Variants in IREB2 observed in about 807,000 individuals in gnomAD.
IREB2 encodes iron responsive element binding protein 2, also known as iron-responsive element-binding protein 2.
IREB2 carries 39 observed loss-of-function variants against 118.8 expected under a neutral mutation model. The observed-to-expected ratio is 0.33, with a 90% CI of 0.25 to 0.43. The LOEUF (loss-of-function observed/expected upper bound fraction) is 0.43, where lower values mean the gene tolerates loss of function less well. Among genes scored for constraint, IREB2 ranks in the 20% least tolerant of loss-of-function variants. The pLI is 1.00. For missense variants in IREB2, 900 were observed against 1,147.3 expected (o/e 0.78, Z 3.11); for synonymous variants, 372 against 392.2 (o/e 0.95, Z 0.61).
chr15:78,471,922 G>T lies in IREB2; in HGVS notation c.881G>T (p.Trp294Leu). Residue 294 changes from tryptophan (W) to leucine (L), a missense_variant and splice_region_variant, in exon 7 of 22, where the codon TGG becomes TTG. Physicochemically the swap from Trp to Leu is moderately conservative, Grantham distance 61. Transcript: ENST00000258886. ...GTGAATGGTTTAGGGATTCTGGGGT[G>T]GGGTAAGTAAATGACTAAATATATT... ...TMVNGLGILGWGVGGIETEAV... is the reference protein window; with the variant it reads ...TMVNGLGILGLGVGGIETEAV... The T allele has an allele frequency of 6.4e-7, 1 of 1,564,614 alleles. No homozygotes were observed. Among genetic ancestry groups the T allele is most frequent in the Middle Eastern group, 1.7e-4 (1 of 5,858 alleles).
intron 7 of IREB2, among the ~76,000 whole-genome samples, chr15:78,472,356 CT>C (rs956192961): frequency 2.0e-5 from 3 of 147,916 alleles, no homozygotes; most frequent in East Asian, 3.9e-4. Context: ...TGTCTCTTTT[CT>C]TTTTTTTTTC....
At chr15:78,486,324 G>T (rs1052281262) in intron 13 of IREB2, among the ~76,000 whole-genome samples, 1 of 152,050 alleles carries the variant, frequency 6.6e-6, no homozygotes, top group Non-Finnish European at 1.5e-5. Context: ...TATGTTTTTT[G>T]GGCTGGGCGC....
chr15:78,473,598 C>A, intron 8 of IREB2: 1 of 501,814 alleles, frequency 2.0e-6, no homozygotes, highest in Non-Finnish European at 3.5e-6. Context: ...TATGTTAGCT[C>A]ATTTAGTCCT....
At chr15:78,470,106 G>A (rs1411769096) in intron 5 of IREB2, among the ~76,000 whole-genome samples, 1 of 152,216 alleles carries the variant, frequency 6.6e-6, no homozygotes, top group Admixed American at 6.5e-5. Context: ...ATGATGTTGA[G>A]ATGTTGTTCG....
chr15:78,450,958 A>C (rs12910090), intron 2 of IREB2, among the ~76,000 whole-genome samples: 58,312 of 151,168 alleles, frequency 0.39, 11,709 homozygotes, highest in East Asian at 0.57. Context: ...CCAATAATGT[A>C]ATGAGCAGAC....
At chr15:78,482,729 G>GA (rs1283528211) in intron 10 of IREB2, among the ~76,000 whole-genome samples, 6 of 150,788 alleles carry the variant, frequency 4.0e-5, no homozygotes, top group African/African-American at 1.5e-4. Flanking sequence ...ATCTTTGTGG[G>GA]AAAAAACACT....
At position 78,500,304 on chromosome 15, in the gene IREB2, T is replaced by C. The variant is rs2141540072; in HGVS notation, c.*2161T>C. On this transcript the variant is annotated 3_prime_UTR_variant, in exon 22 of 22. Transcript: ENST00000258886. Reference sequence around the variant, plus strand: ...GGTCCAGTAATAATACAAGCAAATCTTGTATTTCAGGAACAAATCAAGGTT... The same window carrying C: ...GGTCCAGTAATAATACAAGCAAATCCTGTATTTCAGGAACAAATCAAGGTT... 1 of 152,294 alleles carries C rather than the reference T, an allele frequency of 6.6e-6. No individual in the cohort carries two copies. Among genetic ancestry groups the C allele is most frequent in the South Asian group, 2.1e-4 (1 of 4,832 alleles). The allele number at this position is 152,294 out of a possible 1,614,324, so 9.4% of individuals were successfully genotyped here.
chr15:78,491,340 C>T (rs1407503682), intron 18 of IREB2, among the ~76,000 whole-genome samples: 1 of 151,882 alleles, frequency 6.6e-6, no homozygotes, highest in Non-Finnish European at 1.5e-5. Flanking sequence ...GTAGAGTTGC[C>T]CTGTTATCAA....
At chr15:78,487,636 G>A in intron 13 of IREB2, 97 bp from the exon 14 acceptor site, 1 of 706,704 alleles carries the variant, frequency 1.4e-6, no homozygotes, top group Non-Finnish European at 2.5e-6. Context: ...AGTCTTTTAA[G>A]TAATCTTATT....
chr15:78,440,909 T>C (rs1048225819), intron 2 of IREB2, among the ~76,000 whole-genome samples: 2 of 152,184 alleles, frequency 1.3e-5, no homozygotes, highest in African/African-American at 4.8e-5. Context: ...AGTTTTGACT[T>C]TACTAACAGT....
Position 78,484,886 on chromosome 15 carries a change from C to T in IREB2, c.1539C>T (p.Thr513=), listed in dbSNP as rs1475091816. The T allele has an allele frequency of 6.2e-7, 1 of 1,613,574 alleles. No individual in the cohort carries two copies. The highest frequency in any genetic ancestry group is 1.7e-5 in the Admixed American group (1 of 60,006). The change falls in exon 12 of 22, where the codon ACC becomes ACT. Residue 513 remains threonine, a synonymous_variant. Coordinates refer to ENST00000258886, the MANE Select transcript of IREB2 (RefSeq NM_004136.4). ...SVVIAAVISC[T]NNCNPSVMLA... ...TCATTGCTGCAGTTATCAGTTGTACCAATAATTGCAATCCATCTGTCATGC... is the reference window on the plus strand; with the variant it reads ...TCATTGCTGCAGTTATCAGTTGTACTAATAATTGCAATCCATCTGTCATGC...
intron 13 of IREB2, 33 bp from the exon 14 acceptor site, chr15:78,487,700 G>GTGC (rs2051682907): frequency 9.1e-7 from 1 of 1,103,212 alleles, no homozygotes; most frequent in Admixed American, 1.7e-5. Context: ...ATGTTGTGAT[G>GTGC]TGCTATTCAG....
intron 8 of IREB2, chr15:78,474,353 TA>T (rs1424278900): frequency 6.6e-6 from 1 of 152,218 alleles, no homozygotes; most frequent in African/African-American, 2.4e-5. Flanking sequence ...CCTTCTTCCC[TA>T]ATTAGAAAAG....
At chr15:78,456,219 G>A (rs181179025) in intron 2 of IREB2, among the ~76,000 whole-genome samples, 1 of 152,298 alleles carries the variant, frequency 6.6e-6, no homozygotes, top group African/African-American at 2.4e-5. Flanking sequence ...ACCACAGGGA[G>A]AAATAAGAAA....
chr15:78,438,470 G>T, intron 1 of IREB2, 114 bp downstream of exon 1: 1 of 1,250,898 alleles, frequency 8.0e-7, no homozygotes, highest in South Asian at 1.3e-5. Flanking sequence ...GGCCCTCGGG[G>T]CTCGGGTTGT....
At chr15:78,460,960 T>G (rs1259213449) in intron 2 of IREB2, among the ~76,000 whole-genome samples, 1 of 152,210 alleles carries the variant, frequency 6.6e-6, no homozygotes, top group Non-Finnish European at 1.5e-5. Context: ...GTCTTGTGTG[T>G]GTATATACAT....
Position 78,478,278 on chromosome 15 carries a change from T to G in IREB2, c.1196-19T>G. ...AAATTTCTCACTGCATTTTGTTGTT[T>G]TGTTCATCTTCGTTTTAGGTTTTAG... On this transcript the variant is annotated intron_variant, in intron 9 of 21. Transcript: ENST00000258886. 4 of 1,472,956 alleles carry G rather than the reference T, an allele frequency of 2.7e-6. No individual in the cohort carries two copies. In the South Asian group the frequency reaches 4.6e-5, roughly 17 times the overall value. 91.2% of individuals were successfully genotyped at this position (1,472,956 alleles called of 1,614,324 possible). A position where few individuals can be genotyped will look rare whatever the true frequency, so the allele number is the denominator to read the frequency against.
chr15:78,490,670 T>C lies in IREB2; in HGVS notation c.2233T>C (p.Tyr745His). The C allele has an allele frequency of 6.2e-7, 1 of 1,614,094 alleles. No individual in the cohort carries two copies. The highest frequency in any genetic ancestry group is 1.1e-5 in the South Asian group (1 of 91,080). ...TATTGAAAATGCCCATGTCTTATTATATTTGGGAGACTCTGTCACAACAGA... is the reference window on the plus strand; with the variant it reads ...TATTGAAAATGCCCATGTCTTATTACATTTGGGAGACTCTGTCACAACAGA... ...QAIENAHVLL[Y>H]LGDSVTTDHI... Residue 745 changes from tyrosine (Y) to histidine (H), a missense_variant, in exon 18 of 22, where the codon TAT becomes CAT. By Grantham distance (83) the Tyr-to-His change is moderately conservative. Coordinates refer to ENST00000258886, the MANE Select transcript of IREB2 (RefSeq NM_004136.4).
intron 2 of IREB2, among the ~76,000 whole-genome samples, chr15:78,445,433 C>T (rs1383293563): frequency 6.6e-6 from 1 of 152,194 alleles, no homozygotes; most frequent in African/African-American, 2.4e-5. Flanking sequence ...ACCACTGCAC[C>T]CGGTCTGGTT....
Sources: allele counts gnomAD v4.1 joint callset (sites outside exome capture counted in the v4.1 genomes callset), GRCh38; gene constraint gnomAD v4.1.1; transcripts MANE v1.5; gene names NCBI Gene and HGNC (gene_info 2026-07-23, HGNC 2026-07-21).